The following SGCD variants were observed in gnomAD, a reference collection of about 807,000 sequenced individuals.
SGCD encodes sarcoglycan delta, also known as delta-sarcoglycan.
A neutral mutation model predicts 36.6 loss-of-function variants in SGCD; 18 were observed. That is an observed-to-expected ratio of 0.49 (90% CI 0.34 to 0.73). The LOEUF is 0.73. SGCD is among the 30% of genes least tolerant of loss of function. SGCD has a pLI of 0.01. For missense variants in SGCD, 387 were observed against 346.7 expected (o/e 1.12, Z -0.92); for synonymous variants, 133 against 130.6 (o/e 1.02, Z -0.12).
chr5:155,931,207 C>T (rs1301540146), intron 1 of SGCD, among the ~76,000 whole-genome samples: 2 of 151,862 alleles, frequency 1.3e-5, no homozygotes, highest in East Asian at 3.8e-4. Flanking sequence ...CTTAAAGCTT[C>T]TTAAGAGTAA....
chr5:155,952,381 A>G (rs540647947), intron 1 of SGCD, among the ~76,000 whole-genome samples: 19 of 152,068 alleles, frequency 1.2e-4, no homozygotes, highest in African/African-American at 4.3e-4. Context: ...GAATTTGCCT[A>G]TTAATGCTTT....
intron 1 of SGCD, among the ~76,000 whole-genome samples, chr5:156,087,513 G>A (rs1432564914): frequency 3.9e-5 from 6 of 151,914 alleles, no homozygotes; most frequent in Non-Finnish European, 7.4e-5. Flanking sequence ...GGTGGCATGT[G>A]CCTGTAGTTC....
intron 3 of SGCD, among the ~76,000 whole-genome samples, chr5:156,455,991 G>A (rs957324206): frequency 6.6e-6 from 1 of 152,162 alleles, no homozygotes; most frequent in African/African-American, 2.4e-5. Flanking sequence ...CTCAGAGGGA[G>A]CATGGTCCTG....
chr5:156,024,890 A>C (rs1759192166), intron 1 of SGCD, among the ~76,000 whole-genome samples: 1 of 151,514 alleles, frequency 6.6e-6, no homozygotes, highest in African/African-American at 2.4e-5. Flanking sequence ...CCCTGGAGGC[A>C]GAGGTTGCAG....
chr5:156,340,339 G>T (rs946913816), intron 2 of SGCD, among the ~76,000 whole-genome samples: 9 of 152,174 alleles, frequency 5.9e-5, no homozygotes, highest in African/African-American at 2.2e-4. Context: ...GCTGACCATT[G>T]TAGGTCGTGT....
intron 1 of SGCD, among the ~76,000 whole-genome samples, chr5:156,114,178 G>T (rs561447290): frequency 1.3e-5 from 2 of 152,144 alleles, no homozygotes; most frequent in East Asian, 3.9e-4. Flanking sequence ...TCAGTGTAAT[G>T]GTTCATCAAT....
At chr5:156,331,786 C>A (rs1456638471) in intron 2 of SGCD, among the ~76,000 whole-genome samples, 1 of 152,160 alleles carries the variant, frequency 6.6e-6, no homozygotes, top group African/African-American at 2.4e-5. Flanking sequence ...TCGACAAAAT[C>A]TTGTACTAAC....
intron 3 of SGCD, among the ~76,000 whole-genome samples, chr5:156,138,287 G>A (rs534416595): frequency 6.6e-6 from 1 of 152,300 alleles, no homozygotes; most frequent in Admixed American, 6.5e-5. Context: ...TGTAATCCCA[G>A]CTACTCAGGA....
chr5:156,383,240 A>G (rs1299710530), intron 3 of SGCD, among the ~76,000 whole-genome samples: 1 of 152,140 alleles, frequency 6.6e-6, no homozygotes, highest in Non-Finnish European at 1.5e-5. Context: ...GTGGTAGTTC[A>G]CACCTGTAAT....
chr5:156,330,247 C>A (rs913538248), intron 2 of SGCD, among the ~76,000 whole-genome samples: 1 of 151,852 alleles, frequency 6.6e-6, no homozygotes, highest in African/African-American at 2.4e-5. Context: ...TCCAAAAATC[C>A]AAAAAAATCT....
chr5:155,835,002 A>ATTTTTTT, the SGCD span, among the ~76,000 whole-genome samples: 416 of 60,168 alleles, frequency 6.9e-3, 40 homozygotes, highest in African/African-American at 0.02. Flanking sequence ...TGCCCAGCTA[A>ATTTTTTT]TTTTTTTTTT....
chr5:156,040,500 T>A lies in SGCD; in HGVS notation c.-281-77378T>A, dbSNP rs541388287. ...AGTACACAACAAGCCAGATGACACGTGTTTTTATGCTTTAGGGCAGCCAGC... is the reference window on the plus strand; with the variant it reads ...AGTACACAACAAGCCAGATGACACGAGTTTTTATGCTTTAGGGCAGCCAGC... On this transcript the variant is annotated intron_variant, in intron 1 of 9. Coordinates refer to the SGCD transcript ENST00000517913. Among the ~76,000 whole-genome samples, 90 of 152,324 alleles carry A rather than the reference T, an allele frequency of 5.9e-4. 1 individual carries two copies. Among genetic ancestry groups the A allele is most frequent in the African/African-American group, 2.1e-3 (87 of 41,586 alleles).
intron 1 of SGCD, among the ~76,000 whole-genome samples, chr5:155,988,613 A>T (rs1758378539): frequency 6.6e-6 from 1 of 151,810 alleles, no homozygotes; most frequent in African/African-American, 2.4e-5. Context: ...ATACTTCCAG[A>T]TGTCGTATTG....
At chr5:155,820,149 T>C in the SGCD span, among the ~76,000 whole-genome samples, 1 of 152,228 alleles carries the variant, frequency 6.6e-6, no homozygotes, top group Non-Finnish European at 1.5e-5. Context: ...GACTCCTTTA[T>C]GCATTTCTCA....
At chr5:156,603,696 T>A (rs1761294054) in intron 6 of SGCD, among the ~76,000 whole-genome samples, 1 of 152,056 alleles carries the variant, frequency 6.6e-6, no homozygotes, top group Admixed American at 6.5e-5. Context: ...TGTTTACATG[T>A]ATTTGTAAAG....
chr5:156,252,221 G>T (rs1176619687), intron 3 of SGCD, among the ~76,000 whole-genome samples: 2 of 151,890 alleles, frequency 1.3e-5, no homozygotes, highest in African/African-American at 2.4e-5. Flanking sequence ...GGGATTACAG[G>T]TATGTGCCAC....
intron 6 of SGCD, among the ~76,000 whole-genome samples, chr5:156,644,731 A>C (rs1440009693): frequency 6.6e-6 from 1 of 152,138 alleles, no homozygotes; most frequent in East Asian, 1.9e-4. Flanking sequence ...CTCATTTAAT[A>C]ATTGGGGAAA....
intron 1 of SGCD, among the ~76,000 whole-genome samples, chr5:155,930,249 C>A (rs1178016527): frequency 6.6e-6 from 1 of 152,134 alleles, no homozygotes; most frequent in Non-Finnish European, 1.5e-5. Flanking sequence ...TTAAAGAGTC[C>A]TTTGCCCAAG....
intron 3 of SGCD, among the ~76,000 whole-genome samples, chr5:156,295,543 A>C (rs1766871211): frequency 6.6e-6 from 1 of 152,108 alleles, no homozygotes. Flanking sequence ...ATCATAAAAC[A>C]CTGTATTTTC....
Sources: allele counts gnomAD v4.1 joint callset (sites outside exome capture counted in the v4.1 genomes callset), GRCh38; gene constraint gnomAD v4.1.1; transcripts MANE v1.5; gene names NCBI Gene and HGNC (gene_info 2026-07-23, HGNC 2026-07-21).